GTPBP10: variants seen among roughly 807,000 people sequenced by gnomAD.
GTPBP10 encodes GTP binding protein 10, also known as GTP-binding protein 10.
Under a neutral mutation model 44.8 loss-of-function variants are expected in GTPBP10, and 38 were observed. The observed-to-expected ratio is 0.85, with a 90% confidence interval of 0.65 to 1.11. The LOEUF (loss-of-function observed/expected upper bound fraction) is 1.11. Ranked by LOEUF, GTPBP10 falls within the 50% of genes most tolerant of loss-of-function variation. The pLI is 0.00. For synonymous variants in GTPBP10, 152 were observed against 150.6 expected (o/e 1.01, Z -0.07); for missense variants, 462 against 453.7 (o/e 1.02, Z -0.17).
chr7:90,361,168 A>G (rs898147367), intron 4 of GTPBP10, among the ~76,000 whole-genome samples: 1 of 152,118 alleles, frequency 6.6e-6, no homozygotes, highest in Admixed American at 6.5e-5. Flanking sequence ...TTCCAATACT[A>G]TGTTGAATAG....
chr7:90,349,212 C>T (rs1260829791), intron 1 of GTPBP10, among the ~76,000 whole-genome samples: 1 of 152,150 alleles, frequency 6.6e-6, no homozygotes, highest in African/African-American at 2.4e-5. Context: ...ATGGCATCTT[C>T]AATTATGTAA....
At chr7:90,356,579 G>A (rs1795905860) in intron 4 of GTPBP10, among the ~76,000 whole-genome samples, 1 of 151,614 alleles carries the variant, frequency 6.6e-6, no homozygotes, top group Non-Finnish European at 1.5e-5. Context: ...CTGGAGGCTG[G>A]CCAGCTGGTC....
At chr7:90,351,939 GC>G (rs1224391572) in intron 1 of GTPBP10, among the ~76,000 whole-genome samples, 2 of 152,056 alleles carry the variant, frequency 1.3e-5, no homozygotes, top group Non-Finnish European at 2.9e-5. Flanking sequence ...CTCGTGATCC[GC>G]CCACCTTGGC....
chr7:90,349,629 G>T (rs1054295131), intron 1 of GTPBP10, among the ~76,000 whole-genome samples: 1 of 152,164 alleles, frequency 6.6e-6, no homozygotes, highest in Non-Finnish European at 1.5e-5. Context: ...TTATAGATAA[G>T]GACAGTCCTG....
intron 8 of GTPBP10, among the ~76,000 whole-genome samples, chr7:90,382,054 T>G (rs964333606): frequency 6.6e-6 from 1 of 152,014 alleles, no homozygotes; most frequent in Non-Finnish European, 1.5e-5. Context: ...AATAGACAAG[T>G]AGGATTGCAT....
intron 4 of GTPBP10, 137 bp downstream of exon 4, chr7:90,355,367 T>C (rs1430407639): frequency 3.9e-6 from 2 of 516,116 alleles, no homozygotes; most frequent in Non-Finnish European, 6.6e-6. Context: ...ACTTGGAAAA[T>C]ATGCTGCTAA....
chr7:90,352,938 A>G lies in GTPBP10; in HGVS notation c.156A>G (p.Arg52=). ...GGDVWVVAQN[R]MTLKQLKDRY... ...ATGTCTGGGTTGTAGCCCAGAACAG[A>G]ATGACTTTAAAACAACTTAAAGACA... The change falls in exon 2 of 10, where the codon AGA becomes AGG. Residue 52 remains arginine, a synonymous_variant. Transcript: ENST00000222511. The G allele has an allele frequency of 6.2e-7, 1 of 1,613,936 alleles. No homozygotes were observed. Among genetic ancestry groups the G allele is most frequent in the Non-Finnish European group, 8.5e-7 (1 of 1,179,888 alleles).
chr7:90,365,014 A>G (rs1199831256), intron 4 of GTPBP10, among the ~76,000 whole-genome samples: 1 of 152,330 alleles, frequency 6.6e-6, no homozygotes, highest in East Asian at 1.9e-4. Context: ...CCGATTTTCC[A>G]GGTGCTGTTT....
At chr7:90,369,360 A>T (rs1479831954) in intron 4 of GTPBP10, among the ~76,000 whole-genome samples, 4 of 152,176 alleles carry the variant, frequency 2.6e-5, no homozygotes, top group Admixed American at 2.6e-4. Flanking sequence ...AGGTCTGCCA[A>T]AGCTGTCTGC....
intron 8 of GTPBP10, among the ~76,000 whole-genome samples, chr7:90,380,357 C>T (rs192719023): frequency 5.9e-5 from 9 of 152,260 alleles, no homozygotes; most frequent in African/African-American, 9.6e-5. Context: ...GGATTACAGA[C>T]GTGAGCCACC....
chr7:90,347,786 A>C (rs1230906608), intron 1 of GTPBP10, among the ~76,000 whole-genome samples: 2 of 152,368 alleles, frequency 1.3e-5, no homozygotes, highest in Admixed American at 6.5e-5. Flanking sequence ...GACGTTAGAA[A>C]ATATGACGTT....
At chr7:90,370,254 A>G (rs867620713) in intron 4 of GTPBP10, among the ~76,000 whole-genome samples, 14 of 152,254 alleles carry the variant, frequency 9.2e-5, no homozygotes, top group Non-Finnish European at 1.9e-4. Flanking sequence ...ACCTGCACAC[A>G]TGTTTATCAC....
intron 1 of GTPBP10, among the ~76,000 whole-genome samples, chr7:90,349,840 C>CA (rs1263371803): frequency 1.3e-5 from 2 of 152,096 alleles, no homozygotes; most frequent in Non-Finnish European, 2.9e-5. Flanking sequence ...TCTGGGAACT[C>CA]ATCTGCTGCC....
At chr7:90,354,151 A>T (rs972469740) in intron 2 of GTPBP10, among the ~76,000 whole-genome samples, 1 of 151,990 alleles carries the variant, frequency 6.6e-6, no homozygotes, top group Non-Finnish European at 1.5e-5. Flanking sequence ...CCCTATTTGT[A>T]TTGTAGCAAT....
At chr7:90,348,656 G>A (rs1795729955) in intron 1 of GTPBP10, among the ~76,000 whole-genome samples, 1 of 151,720 alleles carries the variant, frequency 6.6e-6, no homozygotes, top group Non-Finnish European at 1.5e-5. Flanking sequence ...AGGTGGAAGG[G>A]GAGGCAAGAG....
chr7:90,365,159 C>G (rs11975274), intron 4 of GTPBP10, among the ~76,000 whole-genome samples: 2,053 of 152,170 alleles, frequency 0.013, 51 homozygotes, highest in African/African-American at 0.045. Flanking sequence ...CCAACAAGCC[C>G]CAGTGAGATG....
rs1336116617 is a variant in GTPBP10, at chr7:90,389,109, C to A, written c.*3955C>A. Reference sequence around the variant, plus strand: ...TTGAATTTAATGCATATCTTTAAATCCTTAATAGTATCTCAAATCTGGTTT... The same window carrying A: ...TTGAATTTAATGCATATCTTTAAATACTTAATAGTATCTCAAATCTGGTTT... On this transcript the variant is annotated 3_prime_UTR_variant, in exon 10 of 10. Transcript: ENST00000222511. 6.6e-6 allele frequency: 1 copy of A among 152,096 alleles called. No individual in the cohort carries two copies. Among genetic ancestry groups the A allele is most frequent in the Admixed American group, 6.5e-5 (1 of 15,278 alleles). The allele number at this position is 152,096 out of a possible 1,614,324, so 9.4% of individuals were successfully genotyped here. A position where few individuals can be genotyped will look rare whatever the true frequency, so the allele number is the denominator to read the frequency against.
At chr7:90,346,875 C>A in intron 1 of GTPBP10, 101 bp downstream of exon 1, 2 of 1,347,778 alleles carry the variant, frequency 1.5e-6, no homozygotes, top group Admixed American at 3.5e-5. Flanking sequence ...CGGCCTTTTC[C>A]TTGCTTGGTT....
rs147478564 is a variant in GTPBP10, at chr7:90,372,224, C to T, written c.534C>T (p.Tyr178=). 6.2e-5 allele frequency: 99 copies of T among 1,585,758 alleles called. No individual in the cohort carries two copies. In the East Asian group the frequency reaches 7.2e-4, roughly 11 times the overall value. The part of the protein sequence containing the change: ...VSHAKPAIAD[Y]AFTTLKPELG... ...ATGCAAAACCTGCAATTGCAGATTA[C>T]GCATGTAAGTGTAATTTGATTGTAC... Residue 178 remains tyrosine, a synonymous_variant, in exon 5 of 10, where the codon TAC becomes TAT. Transcript: ENST00000222511.
Sources: allele counts gnomAD v4.1 joint callset (sites outside exome capture counted in the v4.1 genomes callset), GRCh38; gene constraint gnomAD v4.1.1; transcripts MANE v1.5; gene names NCBI Gene and HGNC (gene_info 2026-07-23, HGNC 2026-07-21).